BRINP1: variants seen among roughly 807,000 people sequenced by gnomAD.
BRINP1 encodes the protein BMP/retinoic acid inducible neural specific 1.
A neutral mutation model predicts 72.9 loss-of-function variants in BRINP1; 17 were observed. The ratio of observed to expected loss-of-function variants is 0.23; its 90% CI spans 0.16 to 0.35. The LOEUF (loss-of-function observed/expected upper bound fraction) is 0.35, where lower values mean the gene tolerates loss of function less well. BRINP1 is among the 10% of genes least tolerant of loss of function. BRINP1 has a pLI of 1.00. For missense variants in BRINP1, 850 were observed against 1,001.6 expected, an observed-to-expected ratio of 0.85 and a Z score of 2.04; for synonymous variants, 418 against 378.5, an observed-to-expected ratio of 1.10 and a Z score of -1.21.
chr9:119,293,148 G>A (rs993926726), intron 2 of BRINP1, among the ~76,000 whole-genome samples: 16 of 152,012 alleles, frequency 1.1e-4, no homozygotes, highest in Non-Finnish European at 4.4e-5. Context: ...TAAATGATCA[G>A]TAAATTGAGA....
chr9:119,305,885 G>T (rs557673783), intron 2 of BRINP1, among the ~76,000 whole-genome samples: 10 of 152,304 alleles, frequency 6.6e-5, no homozygotes, highest in African/African-American at 2.4e-4. Context: ...GGAGTTTAGA[G>T]ATCAGTAAAC....
rs1407840290 is a variant in BRINP1 at position 119,219,660 on chromosome 9, AGAGAGAGAGAG to A, written c.686-5516_686-5506del. On this transcript the variant is annotated intron_variant, in intron 5 of 7. Transcript: ENST00000265922. ...TTACTGTTTACTGAGAGAGAGAGAG[AGAGAGAGAGAG>A]AGAGAGAGAGAGAGAGAGAGAGAGA... Among the ~76,000 whole-genome samples, 4 of 102,782 alleles carry A rather than the reference AGAGAGAGAGAG, an allele frequency of 3.9e-5. No individual in the cohort carries two copies. In the East Asian group the frequency reaches 8.5e-4, roughly 22 times the overall value. The allele number at this position is 102,782 out of a possible 152,430, so 67.4% of individuals were successfully genotyped here. A position where few individuals can be genotyped will look rare whatever the true frequency, so the allele number is the denominator to read the frequency against.
chr9:119,233,028 T>TA (rs1190509106), intron 5 of BRINP1, among the ~76,000 whole-genome samples: 1 of 151,906 alleles, frequency 6.6e-6, no homozygotes, highest in Non-Finnish European at 1.5e-5. Context: ...CTTTCTTTTT[T>TA]TTTTTCTATT....
intron 5 of BRINP1, among the ~76,000 whole-genome samples, chr9:119,228,114 C>T (rs1830111115): frequency 6.6e-6 from 1 of 151,878 alleles, no homozygotes; most frequent in Non-Finnish European, 1.5e-5. Flanking sequence ...TTGCTCTGCC[C>T]TGTCCTCTCC....
chr9:119,249,273 G>T, intron 2 of BRINP1, 123 bp from the exon 3 acceptor site: 1 of 815,368 alleles, frequency 1.2e-6, no homozygotes, highest in Non-Finnish European at 1.9e-6. Context: ...TTTAATATGT[G>T]TCAAGTGATG....
chr9:119,333,872 A>ACCATTTT (rs1330379435), intron 1 of BRINP1, among the ~76,000 whole-genome samples: 2 of 152,156 alleles, frequency 1.3e-5, no homozygotes, highest in African/African-American at 4.8e-5. Flanking sequence ...CAAAACACAA[A>ACCATTTT]CCATTTTCCA....
chr9:119,261,748 T>C (rs1830496832), intron 2 of BRINP1, among the ~76,000 whole-genome samples: 1 of 152,074 alleles, frequency 6.6e-6, no homozygotes, highest in Admixed American at 6.5e-5. Flanking sequence ...TTTTCTACTT[T>C]CTTTTCTTTC....
intron 5 of BRINP1, among the ~76,000 whole-genome samples, chr9:119,216,266 T>C (rs1434810777): frequency 2.0e-5 from 3 of 152,184 alleles, no homozygotes; most frequent in Non-Finnish European, 4.4e-5. Flanking sequence ...TGAACCAGCA[T>C]TGGTGACAGG....
intron 2 of BRINP1, among the ~76,000 whole-genome samples, chr9:119,294,096 T>C (rs1830850367): frequency 6.6e-6 from 1 of 152,028 alleles, no homozygotes; most frequent in African/African-American, 2.4e-5. Flanking sequence ...CATACAGAAA[T>C]CTGTGAACTA....
chr9:119,229,911 A>G (rs932158439), intron 5 of BRINP1, among the ~76,000 whole-genome samples: 12 of 152,030 alleles, frequency 7.9e-5, no homozygotes, highest in African/African-American at 2.9e-4. Context: ...GTCTCTGTGT[A>G]TTGTGCCAGA....
At chr9:119,186,879 A>C (rs182940432) in intron 7 of BRINP1, among the ~76,000 whole-genome samples, 1 of 152,214 alleles carries the variant, frequency 6.6e-6, no homozygotes, top group East Asian at 1.9e-4. Context: ...ATGTCCCACC[A>C]TTCCAGGGTC....
rs112641044 is a variant in BRINP1 at position 119,175,135 on chromosome 9, C to CAA, written c.1146-6913_1146-6912dup. On this transcript the variant is annotated intron_variant, in intron 7 of 7. Transcript: ENST00000265922. ...AGTAAAGTATAAAAAAAAAAAAAGA[C>CAA]AAAAAAAAAAAGAAAATGTGGCACA... Among the ~76,000 whole-genome samples the CAA allele has an allele frequency of 2.7e-3, 290 of 106,700 alleles. 1 individual carries two copies. Among genetic ancestry groups the CAA allele is most frequent in the African/African-American group, 9.5e-3 (267 of 27,962 alleles). The allele number at this position is 106,700 out of a possible 152,430, so 70.0% of individuals were successfully genotyped here. A position where few individuals can be genotyped will look rare whatever the true frequency, so the allele number is the denominator to read the frequency against.
chr9:119,223,099 GC>G (rs1332091791), intron 5 of BRINP1, among the ~76,000 whole-genome samples: 1 of 151,876 alleles, frequency 6.6e-6, no homozygotes, highest in Non-Finnish European at 1.5e-5. Flanking sequence ...TTCACATTTT[GC>G]CTTCAGCTCT....
intron 5 of BRINP1, among the ~76,000 whole-genome samples, chr9:119,225,784 G>C (rs1248692632): frequency 6.6e-6 from 1 of 151,930 alleles, no homozygotes; most frequent in Non-Finnish European, 1.5e-5. Context: ...GTTGTGTAAA[G>C]TTGTAGAAAT....
At position 119,311,669 on chromosome 9, in the gene BRINP1, G is replaced by A. The variant is rs1205947789; in HGVS notation, c.218+1469C>T. ...TTACCTAATGTCACAAGACCAGTGC[G>A]TGAAGAACTGAAATCAGTATCTAGA... is the stretch of plus-strand genomic sequence containing the variant. On this transcript the variant is annotated intron_variant, in intron 2 of 7. Transcript: ENST00000265922. 2.6e-5 allele frequency among the ~76,000 whole-genome samples: 4 copies of A among 152,210 alleles called. 1 individual carries two copies. In the South Asian group the frequency reaches 6.2e-4, roughly 24 times the overall value.
intron 2 of BRINP1, among the ~76,000 whole-genome samples, chr9:119,256,610 T>C (rs1481002758): frequency 6.6e-6 from 1 of 152,232 alleles, no homozygotes; most frequent in Non-Finnish European, 1.5e-5. Context: ...TTAGCTGCTG[T>C]TGGCATTAGC....
intron 7 of BRINP1, 67 bp from the exon 8 acceptor site, chr9:119,168,291 A>C: frequency 7.7e-7 from 1 of 1,306,398 alleles, no homozygotes; most frequent in Non-Finnish European, 1.0e-6. Context: ...ACAGTTATCC[A>C]ACTGATAATG....
chr9:119,270,195 C>T (rs890064602), intron 2 of BRINP1, among the ~76,000 whole-genome samples: 12 of 151,946 alleles, frequency 7.9e-5, no homozygotes, highest in African/African-American at 2.7e-4. Flanking sequence ...GGAGTAATAG[C>T]GGGTAATGTT....
chr9:119,215,061 T>C (rs1829964734), intron 5 of BRINP1, among the ~76,000 whole-genome samples: 1 of 152,154 alleles, frequency 6.6e-6, no homozygotes, highest in Non-Finnish European at 1.5e-5. Flanking sequence ...ATTAGAGTGA[T>C]ATAATTTAAT....
Sources: gnomAD v4.1 joint callset for allele counts (sites outside exome capture counted in the v4.1 genomes callset) on GRCh38, gnomAD v4.1.1 for gene constraint, MANE v1.5 for transcripts, NCBI Gene and HGNC (gene_info 2026-07-23, HGNC 2026-07-21) for gene names.